The following TAFA2 variants were observed in gnomAD, a reference collection of about 807,000 sequenced individuals.
TAFA2 encodes chemokine-like protein TAFA-2.
A neutral mutation model predicts 18.8 loss-of-function variants in TAFA2; 7 were observed. The ratio of observed to expected loss-of-function variants is 0.37; its 90% confidence interval spans 0.21 to 0.70. TAFA2 has a LOEUF of 0.70. Ranked by LOEUF, TAFA2 falls within the 30% of genes least tolerant of loss-of-function variation. The pLI, the probability that TAFA2 is intolerant of heterozygous loss-of-function variation, is 0.53. For missense variants in TAFA2, 122 were observed against 158.1 expected (o/e 0.77, Z 1.23); for synonymous variants, 60 against 54.2 (o/e 1.11, Z -0.47).
intron 1 of TAFA2, among the ~76,000 whole-genome samples, chr12:62,157,976 T>G (rs562866311): frequency 5.9e-5 from 9 of 152,284 alleles, no homozygotes; most frequent in African/African-American, 2.2e-4. Flanking sequence ...AGGTGAAAAT[T>G]TACATATCTA....
intron 2 of TAFA2, among the ~76,000 whole-genome samples, chr12:61,778,961 G>A (rs187173889): frequency 2.6e-5 from 4 of 151,918 alleles, no homozygotes; most frequent in Admixed American, 6.6e-5. Flanking sequence ...AATGTGCCCT[G>A]TTGAAAAGGC....
At chr12:61,738,330 A>C (rs188705612) in intron 4 of TAFA2, among the ~76,000 whole-genome samples, 1,085 of 37,352 alleles carry the variant, frequency 0.029, 15 homozygotes, top group African/African-American at 0.062. Context: ...CACACACACA[A>C]ACCTAGCTCA....
chr12:61,808,307 G>A (rs914065692), intron 2 of TAFA2, among the ~76,000 whole-genome samples: 4 of 151,516 alleles, frequency 2.6e-5, no homozygotes, highest in African/African-American at 9.8e-5. Flanking sequence ...TTCACCTTCT[G>A]CCATGATTAT....
At chr12:61,932,107 A>G (rs930808362) in intron 1 of TAFA2, among the ~76,000 whole-genome samples, 5 of 152,212 alleles carry the variant, frequency 3.3e-5, no homozygotes, top group African/African-American at 1.2e-4. Flanking sequence ...AAAATAATGT[A>G]TATTACTAGT....
intron 2 of TAFA2, among the ~76,000 whole-genome samples, chr12:61,859,620 T>C (rs923986137): frequency 6.6e-5 from 10 of 152,060 alleles, no homozygotes; most frequent in African/African-American, 2.4e-4. Context: ...ATCTTTGTAT[T>C]TTTAGTAGAG....
intron 1 of TAFA2, among the ~76,000 whole-genome samples, chr12:62,123,687 TCACA>T (rs71083976): frequency 1.3e-5 from 2 of 149,858 alleles, no homozygotes; most frequent in Admixed American, 6.7e-5. Flanking sequence ...TCCCTCTCTC[TCACA>T]CACACACACA....
chr12:61,958,211 A>G (rs770671609), intron 1 of TAFA2, among the ~76,000 whole-genome samples: 6 of 152,052 alleles, frequency 3.9e-5, no homozygotes, highest in Non-Finnish European at 8.8e-5. Flanking sequence ...CCTCATAACA[A>G]TCCCTCCAAG....
chr12:61,842,646 ATACT>A (rs1873233978), intron 2 of TAFA2, among the ~76,000 whole-genome samples: 2 of 152,206 alleles, frequency 1.3e-5, no homozygotes, highest in South Asian at 4.1e-4. Context: ...AAATCCAATG[ATACT>A]TACTCTTTTA....
chr12:61,740,034 A>G (rs1167517117), intron 4 of TAFA2, among the ~76,000 whole-genome samples: 5 of 152,092 alleles, frequency 3.3e-5, no homozygotes, highest in Non-Finnish European at 7.4e-5. Context: ...CAAAGATTGC[A>G]TTCAATTTGC....
chr12:61,860,546 A>C (rs1874083350), intron 2 of TAFA2, among the ~76,000 whole-genome samples: 1 of 152,196 alleles, frequency 6.6e-6, no homozygotes, highest in Non-Finnish European at 1.5e-5. Flanking sequence ...TATTTCCCCA[A>C]AAGATCTGTC....
At chr12:62,169,924 G>T (rs190132884) in intron 1 of TAFA2, among the ~76,000 whole-genome samples, 1 of 149,368 alleles carries the variant, frequency 6.7e-6, no homozygotes, top group Non-Finnish European at 1.5e-5. Flanking sequence ...TTGTTAATTT[G>T]TTCTACCCAA....
chr12:61,868,594 A>G (rs117073467), intron 1 of TAFA2, among the ~76,000 whole-genome samples: 1 of 152,044 alleles, frequency 6.6e-6, no homozygotes, highest in African/African-American at 2.4e-5. Flanking sequence ...TACCTCCAAA[A>G]CATTCTATCT....
chr12:61,831,993 A>C (rs1163970816), intron 2 of TAFA2, among the ~76,000 whole-genome samples: 1 of 152,062 alleles, frequency 6.6e-6, no homozygotes, highest in Admixed American at 6.6e-5. Flanking sequence ...TATATAAATA[A>C]TTTTATCAAA....
At chr12:62,196,286 A>G (rs1020439103), upstream of TAFA2, among the ~76,000 whole-genome samples, 2 of 152,228 alleles carry the variant, frequency 1.3e-5, no homozygotes, top group African/African-American at 4.8e-5. Flanking sequence ...TATGTCAGCA[A>G]TAAGACTGTT....
chr12:62,041,688 TC>T (rs1374973012), intron 1 of TAFA2, among the ~76,000 whole-genome samples: 1 of 152,136 alleles, frequency 6.6e-6, no homozygotes, highest in Non-Finnish European at 1.5e-5. Flanking sequence ...ATTCCTCTCC[TC>T]AATAAAGAGT....
At chr12:61,785,411 C>G (rs1249312337) in intron 2 of TAFA2, among the ~76,000 whole-genome samples, 1 of 148,012 alleles carries the variant, frequency 6.8e-6, no homozygotes, top group Non-Finnish European at 1.5e-5. Context: ...TGTTAGACAC[C>G]TAAGTTGTTT....
chr12:61,930,978 C>T (rs908163972), intron 1 of TAFA2, among the ~76,000 whole-genome samples: 2 of 152,148 alleles, frequency 1.3e-5, no homozygotes, highest in African/African-American at 2.4e-5. Flanking sequence ...CCATTCAAGC[C>T]TGGTGATAGT....
chr12:62,078,416 G>GCAA (rs1868269629), intron 1 of TAFA2, among the ~76,000 whole-genome samples: 1 of 143,488 alleles, frequency 7.0e-6, no homozygotes, highest in African/African-American at 2.6e-5. Context: ...AGTATAATTG[G>GCAA]AAAAAAAAAA....
At chr12:62,186,559 T>A (rs115711309) in intron 1 of TAFA2, among the ~76,000 whole-genome samples, 2 of 152,152 alleles carry the variant, frequency 1.3e-5, no homozygotes, top group Non-Finnish European at 2.9e-5. Flanking sequence ...AAGCTACGTT[T>A]AAAAGAAGCA....
Sources: gnomAD v4.1 joint callset for allele counts (sites outside exome capture counted in the v4.1 genomes callset) on GRCh38, gnomAD v4.1.1 for gene constraint, MANE v1.5 for transcripts, NCBI Gene and HGNC (gene_info 2026-07-23, HGNC 2026-07-21) for gene names.